The following ALKAL1 variants were observed in gnomAD, a reference collection of about 807,000 sequenced individuals.
ALKAL1 encodes the protein ALK and LTK ligand 1.
In ALKAL1, 23 loss-of-function variants were observed where a neutral mutation model predicts 13.5. The observed-to-expected ratio is 1.70, with a 90% CI of 1.23 to 2.41. The LOEUF (loss-of-function observed/expected upper bound fraction) is 2.41. Among genes scored for constraint, ALKAL1 ranks in the 30% most tolerant of loss-of-function variants. ALKAL1 has a pLI of 0.00. For missense variants in ALKAL1, 181 were observed against 178.4 expected (o/e 1.01, Z -0.08); for synonymous variants, 85 against 77.7 (o/e 1.09, Z -0.49).
chr8:52,563,176 G>T (rs1332198362), intron 1 of ALKAL1, among the ~76,000 whole-genome samples: 3 of 152,176 alleles, frequency 2.0e-5, no homozygotes, highest in Non-Finnish European at 4.4e-5. Flanking sequence ...CCAGCACTTT[G>T]GGAGGCCAAG....
At chr8:52,544,032 T>C (rs1474826754) in intron 1 of ALKAL1, among the ~76,000 whole-genome samples, 1 of 152,126 alleles carries the variant, frequency 6.6e-6, no homozygotes, top group Admixed American at 6.5e-5. Flanking sequence ...CTGGTTAGCA[T>C]GATGGGGCAC....
At chr8:52,534,723 A>G (rs1293993443) in intron 4 of ALKAL1, 123 bp from the exon 5 acceptor site, 11 of 432,514 alleles carry the variant, frequency 2.5e-5, no homozygotes, top group East Asian at 3.5e-5. Context: ...TTACAGTCTA[A>G]TCCTGAGAAT....
chr8:52,552,171 T>C (rs995026394), intron 1 of ALKAL1, among the ~76,000 whole-genome samples: 6 of 152,196 alleles, frequency 3.9e-5, no homozygotes, highest in East Asian at 1.9e-4. Flanking sequence ...GGAGGAGTCT[T>C]TGTCAGGTAT....
intron 1 of ALKAL1, among the ~76,000 whole-genome samples, chr8:52,560,123 A>G (rs1847532272): frequency 6.6e-6 from 1 of 152,062 alleles, no homozygotes; most frequent in East Asian, 1.9e-4. Flanking sequence ...CTGTAGGAAG[A>G]AAAAAACGCT....
At chr8:52,538,362 A>G (rs1847281803) in intron 4 of ALKAL1, 69 bp downstream of exon 4, 1 of 934,092 alleles carries the variant, frequency 1.1e-6, no homozygotes, top group Non-Finnish European at 1.7e-6. Context: ...AACTAAAAAG[A>G]AAAGGAAAAA....
chr8:52,535,550 C>CAAAAAAAAAAAAAA (rs10719477), intron 4 of ALKAL1, among the ~76,000 whole-genome samples: 1 of 68,628 alleles, frequency 1.5e-5, no homozygotes, highest in Non-Finnish European at 2.6e-5. Flanking sequence ...GACCCTGTCT[C>CAAAAAAAAAAAAAA]AAAAAAAAAA....
At chr8:52,535,550 CAAAAAA>C (rs10719477) in intron 4 of ALKAL1, among the ~76,000 whole-genome samples, 6 of 68,632 alleles carry the variant, frequency 8.7e-5, no homozygotes, top group Non-Finnish European at 1.6e-4. Flanking sequence ...GACCCTGTCT[CAAAAAA>C]AAAAAAAAAA....
At chr8:52,536,207 G>A (rs1847265867) in intron 4 of ALKAL1, among the ~76,000 whole-genome samples, 1 of 152,164 alleles carries the variant, frequency 6.6e-6, no homozygotes, top group Non-Finnish European at 1.5e-5. Flanking sequence ...CCAAAGTGCT[G>A]GGATTACAGG....
intron 2 of ALKAL1, 67 bp from the exon 3 acceptor site, chr8:52,539,978 T>A: frequency 7.3e-7 from 1 of 1,372,090 alleles, no homozygotes; most frequent in Non-Finnish European, 1.0e-6. Context: ...TTCCTAGCAC[T>A]TTATGGGTGG....
At chr8:52,548,919 T>C (rs2150345767) in intron 1 of ALKAL1, among the ~76,000 whole-genome samples, 1 of 152,242 alleles carries the variant, frequency 6.6e-6, no homozygotes, top group Non-Finnish European at 1.5e-5. Context: ...TCTCTTATTC[T>C]TATATTCTTG....
At chr8:52,535,113 A>G (rs924534556) in intron 4 of ALKAL1, among the ~76,000 whole-genome samples, 4 of 152,314 alleles carry the variant, frequency 2.6e-5, no homozygotes, top group African/African-American at 9.6e-5. Flanking sequence ...AAACTTTTCC[A>G]GTATTGTGTT....
chr8:52,547,258 G>A (rs537149622), intron 1 of ALKAL1, among the ~76,000 whole-genome samples: 2 of 152,290 alleles, frequency 1.3e-5, no homozygotes, highest in African/African-American at 4.8e-5. Context: ...AACACTTTGG[G>A]AGGCTGAGGC....
At chr8:52,551,499 G>C (rs940838132) in intron 1 of ALKAL1, among the ~76,000 whole-genome samples, 1 of 150,048 alleles carries the variant, frequency 6.7e-6, no homozygotes, top group African/African-American at 2.5e-5. Context: ...GTAGAGAAGG[G>C]GGTCTTACTT....
In ALKAL1 at chr8:52,564,473, C is replaced by T. The variant is rs1486869909; in HGVS notation, c.190+594G>A. Among the ~76,000 whole-genome samples the T allele has an allele frequency of 2.6e-5, 4 of 152,160 alleles. No homozygotes were observed. In the East Asian group the frequency reaches 5.8e-4, roughly 22 times the overall value. On this transcript the variant is annotated intron_variant, in intron 1 of 4. Transcript: ENST00000358543. ...TTTTTCCTCCCTCATTCCTTCCACT[C>T]CCCTCGGGCATCTAAGTAGCAGGAA...
chr8:52,551,449 T>G, intron 1 of ALKAL1, among the ~76,000 whole-genome samples: 1 of 151,058 alleles, frequency 6.6e-6, no homozygotes, highest in East Asian at 1.9e-4. Context: ...CATGCCACCA[T>G]GCCCGGCTAA....
chr8:52,563,672 T>A (rs907902754), intron 1 of ALKAL1, among the ~76,000 whole-genome samples: 2 of 152,222 alleles, frequency 1.3e-5, no homozygotes, highest in Non-Finnish European at 2.9e-5. Context: ...GCATGATCTG[T>A]GTGCACCATT....
In ALKAL1 at chr8:52,565,299, C is replaced by A; in HGVS notation, c.-43G>T. The A allele has an allele frequency of 7.9e-7, 1 of 1,259,778 alleles. No individual in the cohort carries two copies. Among genetic ancestry groups the A allele is most frequent in the Non-Finnish European group, 1.0e-6 (1 of 985,018 alleles). 78.0% of individuals were successfully genotyped at this position (1,259,778 alleles called of 1,614,324 possible). On this transcript the variant is annotated 5_prime_UTR_variant, in exon 1 of 5. Coordinates refer to ENST00000358543, the MANE Select transcript of ALKAL1 (RefSeq NM_207413.4). ...AGAGAGCGGGAGACTCCGGGAGGAT[C>A]CCGACGCAGGTCCGGAGGGTGCGCG... is the stretch of plus-strand genomic sequence containing the variant.
intron 4 of ALKAL1, among the ~76,000 whole-genome samples, chr8:52,536,712 GT>G (rs1847269824): frequency 6.6e-6 from 1 of 152,070 alleles, no homozygotes; most frequent in South Asian, 2.1e-4. Flanking sequence ...ATTTTGGACA[GT>G]TAAAAAATAG....
At chr8:52,547,726 G>A (rs956843386) in intron 1 of ALKAL1, among the ~76,000 whole-genome samples, 1 of 152,176 alleles carries the variant, frequency 6.6e-6, no homozygotes, top group African/African-American at 2.4e-5. Flanking sequence ...AGCGGCTCAC[G>A]CCTGTCATCC....
Sources: allele counts gnomAD v4.1 joint callset (sites outside exome capture counted in the v4.1 genomes callset), GRCh38; gene constraint gnomAD v4.1.1; transcripts MANE v1.5; gene names NCBI Gene and HGNC (gene_info 2026-07-23, HGNC 2026-07-21).